Variants in ZNF273 observed in about 807,000 individuals in gnomAD.
ZNF273 encodes zinc finger protein 9.
Under a neutral mutation model 14.9 loss-of-function variants are expected in ZNF273, and 11 were observed. The observed-to-expected ratio is 0.74, with a 90% CI of 0.46 to 1.22. ZNF273 has a LOEUF of 1.22. Ranked by LOEUF, ZNF273 falls within the 50% of genes most tolerant of loss-of-function variation. ZNF273 has a pLI of 0.00. For synonymous variants in ZNF273, 199 were observed against 223.9 expected, an observed-to-expected ratio of 0.89 and a Z score of 0.99; for missense variants, 577 against 660.6, an observed-to-expected ratio of 0.87 and a Z score of 1.39.
At chr7:64,924,029 A>G (rs1375393370) in intron 3 of ZNF273, 2 of 152,278 alleles carry the variant, frequency 1.3e-5, no homozygotes, top group Non-Finnish European at 2.9e-5. Context: ...AAAACATTGC[A>G]TTAAATCTTG....
Position 64,917,604 on chromosome 7 carries a change from G to A in ZNF273, c.126G>A (p.Val42=). Residue 42 remains valine (V), a synonymous_variant, in exon 2 of 4, where the codon GTG becomes GTA. Transcript: ENST00000476120. ...AGGGACCACTGACATTTAGGGATGT[G>A]GCCATAGAATTCTCTCTGGAGGAGT... ...LEMGPLTFRD[V]AIEFSLEEWQ... The A allele has an allele frequency of 7.5e-6, 12 of 1,599,252 alleles. No individual in the cohort carries two copies. Among genetic ancestry groups the A allele is most frequent in the Non-Finnish European group, 1.0e-5 (12 of 1,170,716 alleles).
chr7:64,886,279 G>A lies in ZNF273; in HGVS notation n.274-2294G>A, dbSNP rs181970121. ...GAACTGTTGCTTGCTGTGTGACCCC[G>A]GGAAGGTTACTTCACCTTACTGAGC... On this transcript the variant is annotated intron_variant and non_coding_transcript_variant, in intron 1 of 1. Coordinates refer to the ZNF273 transcript ENST00000471926. 3.9e-3 allele frequency among the ~76,000 whole-genome samples: 594 copies of A among 152,276 alleles called. 3 individuals carry two copies. The highest frequency in any genetic ancestry group is 0.014 in the Middle Eastern group (4 of 294).
chr7:64,907,920 C>G (rs1793231690), intron 1 of ZNF273, among the ~76,000 whole-genome samples: 1 of 152,168 alleles, frequency 6.6e-6, no homozygotes, highest in Admixed American at 6.5e-5. Flanking sequence ...CCACAGGATT[C>G]CCACCCACTC....
At chr7:64,901,722 G>A (rs191187005), upstream of ZNF273, among the ~76,000 whole-genome samples, 92 of 152,250 alleles carry the variant, frequency 6.0e-4, no homozygotes, top group East Asian at 1.7e-3. Context: ...AGGCCGAGGC[G>A]GGCGGATCAC....
chr7:64,904,564 C>T (rs1389886567), intron 1 of ZNF273, among the ~76,000 whole-genome samples: 3 of 152,168 alleles, frequency 2.0e-5, no homozygotes, highest in Non-Finnish European at 4.4e-5. Context: ...TTCCTTCAGC[C>T]TAACTCTGGC....
Position 64,927,737 on chromosome 7 carries a change from G to A in ZNF273, c.409G>A (p.Gly137Arg). The change falls in exon 4 of 4, where the codon GGA becomes AGA. Residue 137 changes from glycine to arginine, a missense_variant. Around this residue, in one of 3 missense-constraint regions of ZNF273, gnomAD observed 162 missense variants for 203.5 expected, o/e 0.80. Transcript: ENST00000476120. Reference sequence around the variant, plus strand: ...TCAAAAAGTGATACTGAGAAGATATGGAAAATATGGACATGAGAATTTACA... The same window carrying A: ...TCAAAAAGTGATACTGAGAAGATATAGAAAATATGGACATGAGAATTTACA... ...SFQKVILRRYGKYGHENLQLR... is the reference protein window; with the variant it reads ...SFQKVILRRYRKYGHENLQLR... The A allele has an allele frequency of 6.2e-7, 1 of 1,613,084 alleles. No homozygotes were observed. The highest frequency in any genetic ancestry group is 8.5e-7 in the Non-Finnish European group (1 of 1,179,746).
downstream of ZNF273, among the ~76,000 whole-genome samples, chr7:64,880,663 T>C (rs1428552524): frequency 6.6e-6 from 1 of 151,990 alleles, no homozygotes; most frequent in African/African-American, 2.4e-5. Context: ...ACTTTTTCTG[T>C]GGTTACTGAA....
downstream of ZNF273, among the ~76,000 whole-genome samples, chr7:64,894,532 T>A (rs572453130): frequency 1.0e-3 from 156 of 152,170 alleles, no homozygotes; most frequent in Non-Finnish European, 1.6e-4. Flanking sequence ...TTAGAAAAGA[T>A]TGGCTTTTTA....
chr7:64,915,238 A>C (rs1375034150), intron 1 of ZNF273, among the ~76,000 whole-genome samples: 1 of 152,010 alleles, frequency 6.6e-6, no homozygotes, highest in Non-Finnish European at 1.5e-5. Flanking sequence ...TGGATACTCA[A>C]CATTCCTATT....
intron 2 of ZNF273, 107 bp from the exon 3 acceptor site, chr7:64,918,090 G>T: frequency 9.8e-7 from 1 of 1,019,712 alleles, no homozygotes. Flanking sequence ...GATATTTTGG[G>T]ATTAATTTAC....
At chr7:64,917,259 T>G in intron 1 of ZNF273, 1 of 519,386 alleles carries the variant, frequency 1.9e-6, no homozygotes, top group South Asian at 2.1e-5. Context: ...CTTTTCTATC[T>G]GAAAAATATA....
upstream of ZNF273, among the ~76,000 whole-genome samples, chr7:64,898,803 C>T (rs1279600467): frequency 2.6e-5 from 4 of 152,198 alleles, no homozygotes; most frequent in African/African-American, 9.7e-5. Context: ...CATGGAAATG[C>T]TGTCCACATG....
At chr7:64,893,304 C>T (rs149558447), downstream of ZNF273, 12 of 152,238 alleles carry the variant, frequency 7.9e-5, no homozygotes, top group South Asian at 2.1e-4. Context: ...GTTTTGAGCA[C>T]GCATTGCATA....
At chr7:64,911,652 GGTTT>G (rs1466162490) in intron 1 of ZNF273, among the ~76,000 whole-genome samples, 7 of 151,448 alleles carry the variant, frequency 4.6e-5, no homozygotes, top group Non-Finnish European at 1.0e-4. Context: ...TCTCGCTATT[GGTTT>G]ATTTTATTAA....
downstream of ZNF273, among the ~76,000 whole-genome samples, chr7:64,892,529 G>C (rs1165793228): frequency 6.6e-6 from 1 of 152,178 alleles, no homozygotes; most frequent in African/African-American, 2.4e-5. Context: ...TTCTTCTGGG[G>C]TGATACCCGA....
chr7:64,916,777 A>G (rs1165654680), intron 1 of ZNF273, among the ~76,000 whole-genome samples: 1 of 152,106 alleles, frequency 6.6e-6, no homozygotes, highest in Non-Finnish European at 1.5e-5. Flanking sequence ...TACCTATGTA[A>G]CAGAACATGT....
downstream of ZNF273, chr7:64,889,248 C>T (rs1011327840): frequency 1.0e-6 from 1 of 985,534 alleles, no homozygotes; most frequent in Non-Finnish European, 1.2e-6. The surrounding 1 kb of genome is among the most constrained non-coding windows in gnomAD (Gnocchi z 4.2). Flanking sequence ...GGCCCCGCTC[C>T]CCGCCCGCAA....
chr7:64,931,413 T>C (rs1794989501), downstream of ZNF273, among the ~76,000 whole-genome samples: 1 of 152,296 alleles, frequency 6.6e-6, no homozygotes, highest in East Asian at 1.9e-4. Flanking sequence ...TTTTACAGTT[T>C]ATGAAGTATT....
At chr7:64,904,604 T>C (rs1245496153) in intron 1 of ZNF273, among the ~76,000 whole-genome samples, 1 of 152,220 alleles carries the variant, frequency 6.6e-6, no homozygotes, top group Admixed American at 6.5e-5. Context: ...TTCCAGTTTT[T>C]TCTGACATTC....
Sources: allele counts gnomAD v4.1 joint callset (sites outside exome capture counted in the v4.1 genomes callset), GRCh38; gene constraint gnomAD v4.1.1; regional missense constraint gnomAD v4.1.1; non-coding constraint Gnocchi (gnomAD v3.1); transcripts MANE v1.5; gene names NCBI Gene and HGNC (gene_info 2026-07-23, HGNC 2026-07-21).